TMPRSS12: variants seen among roughly 807,000 people sequenced by gnomAD.
TMPRSS12 encodes the protein transmembrane protease serine 12.
In TMPRSS12, 25 loss-of-function variants were observed where a neutral mutation model predicts 26.0. The observed-to-expected ratio is 0.96, with a 90% CI of 0.70 to 1.34. The LOEUF is 1.34. Among genes scored for constraint, TMPRSS12 ranks in the 40% most tolerant of loss-of-function variants. TMPRSS12 has a pLI of 0.00. For missense variants in TMPRSS12, 441 were observed against 440.1 expected, an observed-to-expected ratio of 1.00 and a Z score of -0.02; for synonymous variants, 150 against 161.7, an observed-to-expected ratio of 0.93 and a Z score of 0.55.
At chr12:50,860,745 G>A (rs892096508) in intron 3 of TMPRSS12, among the ~76,000 whole-genome samples, 2 of 152,268 alleles carry the variant, frequency 1.3e-5, no homozygotes, top group Admixed American at 6.5e-5. Flanking sequence ...AAGTAGCTAG[G>A]ACTACAGGCA....
At chr12:50,882,900 G>C (rs1938189860) in intron 3 of TMPRSS12, among the ~76,000 whole-genome samples, 1 of 152,178 alleles carries the variant, frequency 6.6e-6, no homozygotes, top group Non-Finnish European at 1.5e-5. Flanking sequence ...ATATACTCCA[G>C]CTCAGTGTAT....
At chr12:50,869,484 G>C (rs535468561) in intron 3 of TMPRSS12, among the ~76,000 whole-genome samples, 4 of 152,224 alleles carry the variant, frequency 2.6e-5, no homozygotes, top group Non-Finnish European at 5.9e-5. Context: ...CCAATAAAAA[G>C]TAGCGAGATT....
At chr12:50,887,026 A>T (rs1203031955) in intron 4 of TMPRSS12, 1 of 448,474 alleles carries the variant, frequency 2.2e-6, no homozygotes, top group East Asian at 3.7e-5. Flanking sequence ...AAAACCAGGC[A>T]GATGAGAAAT....
At chr12:50,850,872 G>T (rs1307261594) in intron 2 of TMPRSS12, among the ~76,000 whole-genome samples, 1 of 152,170 alleles carries the variant, frequency 6.6e-6, no homozygotes, top group Non-Finnish European at 1.5e-5. Context: ...GACCATGAGA[G>T]GCCAGAGTAC....
At chr12:50,867,214 A>G (rs571304981) in intron 3 of TMPRSS12, among the ~76,000 whole-genome samples, 8 of 152,252 alleles carry the variant, frequency 5.3e-5, no homozygotes, top group Non-Finnish European at 7.3e-5. Flanking sequence ...GCGAAGCCCA[A>G]TGCAAGGAAA....
In TMPRSS12 at chr12:50,843,441, G is replaced by A. The variant is rs183970558; in HGVS notation, c.187+290G>A. Among the ~76,000 whole-genome samples, 11 of 152,288 alleles carry A rather than the reference G, an allele frequency of 7.2e-5. No individual in the cohort carries two copies. The East Asian group carries it at 2.1e-3, about 29-fold the overall frequency. Reference sequence around the variant, plus strand: ...GAGTTGAAAGGGAGGGCTATTAGGTGACCATTTCATACTATAGTTGAGAAA... The same window carrying A: ...GAGTTGAAAGGGAGGGCTATTAGGTAACCATTTCATACTATAGTTGAGAAA... On this transcript the variant is annotated intron_variant, in intron 1 of 4. Transcript: ENST00000398458.
At chr12:50,849,725 T>TAA (rs570316511) in intron 2 of TMPRSS12, among the ~76,000 whole-genome samples, 1 of 147,678 alleles carries the variant, frequency 6.8e-6, no homozygotes, top group African/African-American at 2.5e-5. Context: ...CATTCCTTTT[T>TAA]AAAAAAAAAA....
intron 3 of TMPRSS12, among the ~76,000 whole-genome samples, chr12:50,874,187 A>G (rs940371341): frequency 5.9e-5 from 9 of 152,162 alleles, no homozygotes; most frequent in African/African-American, 2.2e-4. Context: ...ACACACTCAG[A>G]AAATAGAGAA....
chr12:50,860,640 T>C (rs10876105), intron 3 of TMPRSS12, among the ~76,000 whole-genome samples: 49,020 of 151,786 alleles, frequency 0.32, 7,940 homozygotes, highest in East Asian at 0.45. Flanking sequence ...GACATGGTCT[T>C]GCTGTGTCAC....
intron 3 of TMPRSS12, among the ~76,000 whole-genome samples, chr12:50,869,522 A>C (rs1938022625): frequency 6.6e-6 from 1 of 152,188 alleles, no homozygotes; most frequent in Admixed American, 6.5e-5. Context: ...ATTACCAACC[A>C]TAAAAATCCA....
At position 50,872,909 on chromosome 12, in the gene TMPRSS12, C is replaced by CGTA. The variant is rs1555206510; in HGVS notation, c.653-12337_653-12336insGTA. Among the ~76,000 whole-genome samples the CGTA allele has an allele frequency of 5.5e-4, 32 of 58,522 alleles. 3 individuals are homozygous for CGTA. The highest frequency in any genetic ancestry group is 2.5e-3 in the East Asian group (4 of 1,572). The allele number at this position is 58,522 out of a possible 152,430, so 38.4% of individuals were successfully genotyped here. On this transcript the variant is annotated intron_variant, in intron 3 of 4. Coordinates refer to ENST00000398458, the MANE Select transcript of TMPRSS12 (RefSeq NM_182559.3). ...GACGTATATATGTACATATATATGA[C>CGTA]TATATATGTACATATATGATGTATA...
At chr12:50,868,727 A>T (rs1938014702) in intron 3 of TMPRSS12, among the ~76,000 whole-genome samples, 1 of 152,214 alleles carries the variant, frequency 6.6e-6, no homozygotes, top group African/African-American at 2.4e-5. Context: ...AACTTTCTCC[A>T]AGATAGACCA....
intron 3 of TMPRSS12, among the ~76,000 whole-genome samples, chr12:50,868,777 AT>A (rs1476761939): frequency 6.6e-6 from 1 of 152,202 alleles, no homozygotes; most frequent in Non-Finnish European, 1.5e-5. Context: ...ATTTAAGAAA[AT>A]TAAAATTATA....
chr12:50,872,771 G>GTGTACATATATAGACGTC (rs1565935923), intron 3 of TMPRSS12, among the ~76,000 whole-genome samples: 1 of 55,746 alleles, frequency 1.8e-5, no homozygotes, highest in African/African-American at 9.0e-5. Flanking sequence ...TATATATGAC[G>GTGTACATATATAGACGTC]TATATATGTA....
At chr12:50,847,276 C>T (rs557887892) in intron 2 of TMPRSS12, among the ~76,000 whole-genome samples, 1 of 151,966 alleles carries the variant, frequency 6.6e-6, no homozygotes, top group East Asian at 2.0e-4. Context: ...CCAGGATGGT[C>T]TCCATCTCCT....
At chr12:50,879,969 A>T (rs1017836642) in intron 3 of TMPRSS12, among the ~76,000 whole-genome samples, 4 of 152,054 alleles carry the variant, frequency 2.6e-5, no homozygotes, top group Non-Finnish European at 5.9e-5. Context: ...AGAGCCTGTC[A>T]CAAAAACATT....
At chr12:50,853,567 ACTAG>A (rs1937846250) in intron 2 of TMPRSS12, among the ~76,000 whole-genome samples, 1 of 128,676 alleles carries the variant, frequency 7.8e-6, no homozygotes, top group Non-Finnish European at 1.6e-5. Context: ...TTGATAGACC[ACTAG>A]CTAGACTAAC....
Position 50,843,916 on chromosome 12 carries a change from G to A in TMPRSS12, c.262G>A (p.Ala88Thr), listed in dbSNP as rs369846570. The A allele has an allele frequency of 5.1e-6, 8 of 1,583,760 alleles. No homozygotes were observed. The highest frequency in any genetic ancestry group is 4.0e-5 in the African/African-American group (3 of 74,372). The stretch of plus-strand genomic sequence containing the variant: ...AGGGGGCACCGAAGCACAAGCTGGC[G>A]CATGGCCGTGGGTGGTGAGCCTGCA... ...IIGGTEAQAG[A>T]WPWVVSLQIK... Residue 88 changes from alanine (A) to threonine (T), a missense_variant, in exon 2 of 5, where the codon GCA becomes ACA. Coordinates refer to ENST00000398458, the MANE Select transcript of TMPRSS12 (RefSeq NM_182559.3).
Position 50,850,113 on chromosome 12 carries a change from C to T in TMPRSS12, c.383+6076C>T, listed in dbSNP as rs115985496. 1.7e-3 allele frequency among the ~76,000 whole-genome samples: 265 copies of T among 152,156 alleles called. 5 individuals carry two copies. Among genetic ancestry groups the T allele is most frequent in the African/African-American group, 6.0e-3 (251 of 41,508 alleles). ...TATTGCTGAACAGTATTGCATTGTA[C>T]GATGATATAGTTTGAGTGTCCCCTC... On this transcript the variant is annotated intron_variant, in intron 2 of 4. Transcript: ENST00000398458.
Sources: allele counts gnomAD v4.1 joint callset (sites outside exome capture counted in the v4.1 genomes callset), GRCh38; gene constraint gnomAD v4.1.1; transcripts MANE v1.5; gene names NCBI Gene and HGNC (gene_info 2026-07-23, HGNC 2026-07-21).